The following TXNL1 variants were observed in gnomAD, a reference collection of about 807,000 sequenced individuals.
TXNL1 encodes the protein thioredoxin-like protein 1.
Under a neutral mutation model 35.5 loss-of-function variants are expected in TXNL1, and 14 were observed. The observed-to-expected ratio is 0.39, with a 90% CI of 0.26 to 0.62. TXNL1 has a LOEUF of 0.62. TXNL1 is among the 20% of genes least tolerant of loss of function. The pLI, the probability that TXNL1 is intolerant of heterozygous loss-of-function variation, is 0.47. For missense variants in TXNL1, 263 were observed against 349.7 expected, an observed-to-expected ratio of 0.75 and a Z score of 1.98; for synonymous variants, 110 against 115.5, an observed-to-expected ratio of 0.95 and a Z score of 0.31.
chr18:56,623,519 G>A (rs1383289188), intron 3 of TXNL1, among the ~76,000 whole-genome samples: 3 of 151,724 alleles, frequency 2.0e-5, no homozygotes, highest in African/African-American at 7.3e-5. Context: ...TTTGTAACCA[G>A]AGAAATTAAA....
At chr18:56,633,446 CAAAA>C (rs57445949) in intron 1 of TXNL1, among the ~76,000 whole-genome samples, 13 of 74,362 alleles carry the variant, frequency 1.7e-4, no homozygotes, top group Admixed American at 6.2e-4. Flanking sequence ...GACTCTGTCT[CAAAA>C]AAAAAAAAAA....
chr18:56,627,745 G>A (rs578053391), intron 1 of TXNL1, among the ~76,000 whole-genome samples: 7 of 151,976 alleles, frequency 4.6e-5, no homozygotes, highest in African/African-American at 1.4e-4. Context: ...CAGATGGGTT[G>A]TAGATCTAAA....
Position 56,638,176 on chromosome 18 carries a change from G to A in TXNL1, c.98+167C>T, listed in dbSNP as rs892070495. On this transcript the variant is annotated intron_variant, in intron 1 of 7. Transcript: ENST00000217515. ...CGTCTAGGAACCCCTGTGCATAAAT[G>A]GGGGTTCACACCCGAGAAACGAGGC... 3.9e-5 allele frequency among the ~76,000 whole-genome samples: 6 copies of A among 152,320 alleles called. No individual in the cohort carries two copies. The East Asian group carries it at 1.2e-3, about 29-fold the overall frequency.
At chr18:56,621,251 C>G (rs1475639701) in intron 3 of TXNL1, among the ~76,000 whole-genome samples, 1 of 146,576 alleles carries the variant, frequency 6.8e-6, no homozygotes, top group Non-Finnish European at 1.5e-5. Flanking sequence ...GTTGCCCAGG[C>G]TGGAGTTGCA....
intron 3 of TXNL1, among the ~76,000 whole-genome samples, chr18:56,619,566 T>C (rs1217834697): frequency 3.3e-5 from 5 of 151,770 alleles, no homozygotes; most frequent in Admixed American, 1.3e-4. Context: ...AAAAATTGTA[T>C]TTGGTTAATA....
At chr18:56,637,175 A>G (rs879694812) in intron 1 of TXNL1, among the ~76,000 whole-genome samples, 110 of 152,222 alleles carry the variant, frequency 7.2e-4, no homozygotes, top group Non-Finnish European at 1.2e-3. Flanking sequence ...ATCTATCTGC[A>G]TCCATTCCCT....
At chr18:56,608,238 G>C (rs2023933825) in intron 7 of TXNL1, 1 of 152,018 alleles carries the variant, frequency 6.6e-6, no homozygotes, top group African/African-American at 2.4e-5. Flanking sequence ...GGACTAAGCT[G>C]GCCAATTTCA....
At position 56,618,125 on chromosome 18, in the gene TXNL1, ATCTG is replaced by A; in HGVS notation, c.370-3_370del. On this transcript the variant is annotated splice_acceptor_variant and splice_polypyrimidine_tract_variant and coding_sequence_variant and intron_variant, in exon 4 of 8. Coordinates refer to ENST00000217515, the MANE Select transcript of TXNL1 (RefSeq NM_004786.3). LOFTEE classifies it high-confidence loss of function. ...TTTGTTAATAAAAGGCATTAAATCCATCTGAAAAAAAATTGCAAGATTTTAGGCA... is the reference window on the plus strand; with the variant it reads ...TTTGTTAATAAAAGGCATTAAATCCAAAAAAAAATTGCAAGATTTTAGGCA... 6.2e-7 allele frequency: 1 copy of A among 1,612,244 alleles called. No homozygotes were observed. Among genetic ancestry groups the A allele is most frequent in the South Asian group, 1.1e-5 (1 of 90,884 alleles).
chr18:56,614,947 T>C (rs978137737), intron 5 of TXNL1, among the ~76,000 whole-genome samples: 10 of 152,094 alleles, frequency 6.6e-5, no homozygotes, highest in African/African-American at 1.7e-4. Flanking sequence ...AAGGTGACAA[T>C]AGATTCTGAC....
At chr18:56,616,086 T>G (rs962444349) in intron 5 of TXNL1, among the ~76,000 whole-genome samples, 159 bp downstream of exon 5, 3 of 149,484 alleles carry the variant, frequency 2.0e-5, no homozygotes, top group Admixed American at 6.7e-5. Flanking sequence ...GAGCTAAGAT[T>G]GCACCACCGC....
intron 7 of TXNL1, among the ~76,000 whole-genome samples, chr18:56,603,792 A>G (rs2023845493): frequency 6.6e-6 from 1 of 152,200 alleles, no homozygotes; most frequent in Non-Finnish European, 1.5e-5. Context: ...TGTACTGACA[A>G]CTTACAGTTT....
rs142189496 is a variant in TXNL1 at position 56,618,569 on chromosome 18, T to C, written c.370-443A>G. Among the ~76,000 whole-genome samples, 804 of 151,792 alleles carry C rather than the reference T, an allele frequency of 5.3e-3. 27 individuals carry two copies. Among genetic ancestry groups the C allele is most frequent in the Admixed American group, 0.047 (714 of 15,210 alleles). ...ATGAAAAATTTCAAACAGACAAAAA[T>C]ATAATAATATAGTAAATCCCATGTA... On this transcript the variant is annotated intron_variant, in intron 3 of 7. Coordinates refer to ENST00000217515, the MANE Select transcript of TXNL1 (RefSeq NM_004786.3).
chr18:56,597,834 C>A lies in TXNL1; in HGVS notation c.*5193G>T, dbSNP rs1031701937. ...CAAAAATGCAATTTAAGGCAATGTA[C>A]CCAAAACCATATTCATCTTCCCCTC... On this transcript the variant is annotated 3_prime_UTR_variant, in exon 8 of 8. Transcript: ENST00000217515. The A allele has an allele frequency of 6.6e-6, 1 of 152,202 alleles. No individual in the cohort carries two copies. Among genetic ancestry groups the A allele is most frequent in the Non-Finnish European group, 1.5e-5 (1 of 68,038 alleles). The allele number at this position is 152,202 out of a possible 1,614,324, so 9.4% of individuals were successfully genotyped here.
intron 3 of TXNL1, among the ~76,000 whole-genome samples, chr18:56,619,309 G>A (rs1034563258): frequency 2.6e-5 from 4 of 151,568 alleles, no homozygotes; most frequent in South Asian, 2.1e-4. Flanking sequence ...AGGCCGAGGC[G>A]GGTGAATCGC....
rs2024256091 is a variant in TXNL1, at chr18:56,625,174, G to T, written c.196-713C>A. On this transcript the variant is annotated intron_variant, in intron 2 of 7. Coordinates refer to ENST00000217515, the MANE Select transcript of TXNL1 (RefSeq NM_004786.3). ...CACTACTATACTTTTTAAAGAAAAA[G>T]AACATAAAGATAACACAGGAATGTC... 2.0e-5 allele frequency among the ~76,000 whole-genome samples: 3 copies of T among 152,008 alleles called. No individual in the cohort carries two copies. In the South Asian group the frequency reaches 6.2e-4, roughly 31 times the overall value.
chr18:56,616,145 AAG>A, intron 5 of TXNL1, 98 bp downstream of exon 5: 2 of 1,110,138 alleles, frequency 1.8e-6, no homozygotes, highest in Non-Finnish European at 2.5e-6. Context: ...AAAAAAAAAA[AAG>A]AAAAAACAAG....
At chr18:56,631,964 A>G (rs888352978) in intron 1 of TXNL1, among the ~76,000 whole-genome samples, 13 of 151,994 alleles carry the variant, frequency 8.6e-5, no homozygotes, top group Non-Finnish European at 1.6e-4. Flanking sequence ...AAACTTTAAA[A>G]CAGACATAAC....
intron 5 of TXNL1, among the ~76,000 whole-genome samples, chr18:56,615,229 A>G (rs1485497689): frequency 6.6e-6 from 1 of 152,162 alleles, no homozygotes; most frequent in Non-Finnish European, 1.5e-5. Context: ...AAGAAGGAAA[A>G]GTAAGACTCA....
intron 7 of TXNL1, among the ~76,000 whole-genome samples, chr18:56,603,320 G>C (rs1332133495): frequency 6.7e-6 from 1 of 149,230 alleles, no homozygotes; most frequent in East Asian, 1.9e-4. Flanking sequence ...TTAAAAACAA[G>C]GTTGAAAGTT....
Sources: allele counts gnomAD v4.1 joint callset (sites outside exome capture counted in the v4.1 genomes callset), GRCh38; gene constraint gnomAD v4.1.1; transcripts MANE v1.5; gene names NCBI Gene and HGNC (gene_info 2026-07-23, HGNC 2026-07-21).